The following BCAS3 variants were observed in gnomAD, a reference collection of about 807,000 sequenced individuals.
BCAS3 encodes the protein BCAS4/BCAS3 fusion.
In BCAS3, 53 loss-of-function variants were observed where a neutral mutation model predicts 116.1. That is an observed-to-expected ratio of 0.46 (90% confidence interval 0.37 to 0.57). The LOEUF is 0.57. Among genes scored for constraint, BCAS3 ranks in the 20% least tolerant of loss-of-function variants. The probability of loss-of-function intolerance (pLI) is 0.00; values close to 1 mark genes in which losing one functional copy is unlikely to be tolerated. For synonymous variants in BCAS3, 391 were observed against 408.2 expected (o/e 0.96, Z 0.51); for missense variants, 917 against 1,165.4 (o/e 0.79, Z 3.10).
At chr17:61,175,678 C>T (rs2079091904) in intron 22 of BCAS3, among the ~76,000 whole-genome samples, 1 of 152,112 alleles carries the variant, frequency 6.6e-6, no homozygotes, top group South Asian at 2.1e-4. Flanking sequence ...ACATTCCCAC[C>T]AACAATACAC....
rs1178331114 is a variant in BCAS3 at position 61,074,986 on chromosome 17, A to G, written c.2096A>G (p.His699Arg). Reference sequence around the variant, plus strand: ...TCTTACGACAGTTTAGCTTCTGACCATAGTGGACAGGAAGATGAAGAATGG... The same window carrying G: ...TCTTACGACAGTTTAGCTTCTGACCGTAGTGGACAGGAAGATGAAGAATGG... ...HGSYDSLASD[H>R]SGQEDEEWLS... Residue 699 changes from histidine to arginine, a missense_variant, in exon 20 of 24, where the codon CAT becomes CGT. Around this residue, in one of 3 missense-constraint regions of BCAS3, gnomAD observed 807 missense variants for 1,026.0 expected, o/e 0.79. Coordinates refer to ENST00000407086, the MANE Select transcript of BCAS3 (RefSeq NM_017679.5). 5.6e-6 allele frequency: 9 copies of G among 1,613,570 alleles called. No individual in the cohort carries two copies. Among genetic ancestry groups the G allele is most frequent in the Non-Finnish European group, 6.8e-6 (8 of 1,179,606 alleles).
intron 4 of BCAS3, among the ~76,000 whole-genome samples, chr17:60,701,060 A>G (rs991359686): frequency 4.0e-5 from 6 of 151,834 alleles, no homozygotes; most frequent in Non-Finnish European, 5.9e-5. Flanking sequence ...CCTGGCTAAC[A>G]TGGCAAGACC....
At chr17:60,801,944 A>G (rs1195007074) in intron 6 of BCAS3, among the ~76,000 whole-genome samples, 2 of 152,030 alleles carry the variant, frequency 1.3e-5, no homozygotes, top group Admixed American at 6.6e-5. Context: ...TCTTGTGTGT[A>G]AAAATGCTCT....
intron 6 of BCAS3, among the ~76,000 whole-genome samples, chr17:60,800,488 T>A (rs1361900270): frequency 6.6e-6 from 1 of 152,194 alleles, no homozygotes; most frequent in Non-Finnish European, 1.5e-5. Context: ...GAGATTTGAG[T>A]CATTTGTCAG....
chr17:61,236,162 C>T (rs74681876), intron 22 of BCAS3, among the ~76,000 whole-genome samples: 40 of 152,284 alleles, frequency 2.6e-4, no homozygotes, highest in African/African-American at 9.1e-4. Context: ...AGCTATCATA[C>T]GTCAGAATCC....
At chr17:60,745,288 T>C (rs532779554) in intron 5 of BCAS3, among the ~76,000 whole-genome samples, 1 of 151,982 alleles carries the variant, frequency 6.6e-6, no homozygotes, top group Non-Finnish European at 1.5e-5. Context: ...TTAATAGAAA[T>C]AGCAGGTATA....
intron 6 of BCAS3, among the ~76,000 whole-genome samples, chr17:60,799,907 A>T (rs1598801161): frequency 1.3e-5 from 2 of 151,598 alleles, no homozygotes; most frequent in East Asian, 3.9e-4. Flanking sequence ...AGGTATATCC[A>T]AGTTGTTTAG....
chr17:60,706,644 A>G (rs2037177158), intron 4 of BCAS3, among the ~76,000 whole-genome samples: 1 of 151,874 alleles, frequency 6.6e-6, no homozygotes, highest in Admixed American at 6.6e-5. Context: ...GGACAACATG[A>G]CAAAACCCCA....
chr17:60,700,185 A>AAAAAAAAAAAAAAAAAAAAG (rs1319555739), intron 4 of BCAS3, among the ~76,000 whole-genome samples: 3 of 147,138 alleles, frequency 2.0e-5, no homozygotes, highest in African/African-American at 5.4e-5. Flanking sequence ...AAAAAAAAAA[A>AAAAAAAAAAAAAAAAAAAAG]GAAGCAGTTC....
chr17:60,776,118 G>A (rs1411478065), intron 6 of BCAS3, among the ~76,000 whole-genome samples: 1 of 152,134 alleles, frequency 6.6e-6, no homozygotes, highest in Non-Finnish European at 1.5e-5. Context: ...AATACATACA[G>A]TATTTTGCCC....
Position 61,343,144 on chromosome 17 carries a change from G to A in BCAS3, c.2426-25183G>A, listed in dbSNP as rs947180701. ...CTGGGCCACCGAGGAGGGTCAATTC[G>A]TGGAGGGGTGGCACCAAATGCCTCT... On this transcript the variant is annotated intron_variant, in intron 22 of 23. Transcript: ENST00000407086. This position sits in a 1 kb window ranked among gnomAD's most constrained non-coding sequence, Gnocchi z 5.5. 1.5e-4 allele frequency among the ~76,000 whole-genome samples: 23 copies of A among 152,212 alleles called. No homozygotes were observed. The highest frequency in any genetic ancestry group is 2.6e-4 in the Non-Finnish European group (18 of 68,038).
intron 8 of BCAS3, among the ~76,000 whole-genome samples, chr17:60,870,143 G>A (rs2054974217): frequency 6.6e-6 from 1 of 152,136 alleles, no homozygotes; most frequent in Non-Finnish European, 1.5e-5. Context: ...TCATTCTCCA[G>A]AAACCGTACG....
intron 22 of BCAS3, among the ~76,000 whole-genome samples, chr17:61,092,979 C>A (rs901931209): frequency 1.4e-5 from 2 of 142,272 alleles, no homozygotes; most frequent in Non-Finnish European, 3.0e-5. Context: ...GATCTCGGCT[C>A]ACTGCAACTT....
At chr17:60,703,838 C>T (rs570499344) in intron 4 of BCAS3, among the ~76,000 whole-genome samples, 5 of 150,098 alleles carry the variant, frequency 3.3e-5, no homozygotes, top group South Asian at 4.2e-4. Context: ...GGCGTGAACC[C>T]GAGAGGCGGA....
chr17:61,084,481 G>T lies in BCAS3; in HGVS notation c.2342G>T (p.Arg781Leu). Residue 781 changes from arginine (R) to leucine (L), a missense_variant, in exon 22 of 24, where the codon CGC (arginine) becomes CTC (leucine). Arg to Leu is a moderately radical substitution (Grantham distance 102). Transcript: ENST00000407086. This position sits in a 1 kb window ranked among gnomAD's most constrained non-coding sequence, Gnocchi z 5.5. ...TTGCATTGCAGGATCCAGCCAGTCCGCTCTGACCCCGTCAGCATGCCAGGG... is the reference window on the plus strand; with the variant it reads ...TTGCATTGCAGGATCCAGCCAGTCCTCTCTGACCCCGTCAGCATGCCAGGG... Reference protein sequence around the residue: ...DLNSLRIQPVRSDPVSMPGSS... With the variant: ...DLNSLRIQPVLSDPVSMPGSS... 1 of 1,613,602 alleles carries T rather than the reference G, an allele frequency of 6.2e-7. No individual in the cohort carries two copies. The highest frequency in any genetic ancestry group is 1.1e-5 in the South Asian group (1 of 91,014).
chr17:61,189,820 G>T lies in BCAS3; in HGVS notation c.2425+105256G>T, dbSNP rs576367536. On this transcript the variant is annotated intron_variant, in intron 22 of 23. Coordinates refer to ENST00000407086, the MANE Select transcript of BCAS3 (RefSeq NM_017679.5). The surrounding 1 kb of genome is among the most constrained non-coding windows in gnomAD (Gnocchi z 4.5). ...ATCCTTTTAGGAATTTGACCTTGAT[G>T]CACCTATGAGATGACAAAAGGCAGG... 2.0e-5 allele frequency among the ~76,000 whole-genome samples: 3 copies of T among 152,302 alleles called. No individual in the cohort carries two copies. In the East Asian group the frequency reaches 5.8e-4, roughly 29 times the overall value.
rs906327594 is a variant in BCAS3 at position 61,337,975 on chromosome 17, T to C, written c.2426-30352T>C. 6.6e-6 allele frequency among the ~76,000 whole-genome samples: 1 copy of C among 152,228 alleles called. No individual in the cohort carries two copies. Among genetic ancestry groups the C allele is most frequent in the African/African-American group, 2.4e-5 (1 of 41,452 alleles). On this transcript the variant is annotated intron_variant, in intron 22 of 23. Transcript: ENST00000407086. The surrounding 1 kb of genome is among the most constrained non-coding windows in gnomAD (Gnocchi z 4.8). Reference sequence around the variant, plus strand: ...GGGTATTGTTAGTCTGGGTTCTGACTTAGGAACTGCAGCGTCCCTTCTGTG... The same window carrying C: ...GGGTATTGTTAGTCTGGGTTCTGACCTAGGAACTGCAGCGTCCCTTCTGTG...
rs1183119516 is a variant in BCAS3 at position 61,366,352 on chromosome 17, G to A, written c.2426-1975G>A. Among the ~76,000 whole-genome samples the A allele has an allele frequency of 6.6e-6, 1 of 152,196 alleles. No homozygotes were observed. The highest frequency in any genetic ancestry group is 1.9e-4 in the East Asian group (1 of 5,202). ...TCACTCCTGTGAGACAGGGCAAAGGGTTATTCATTCTAGTTTAGAGATGGA... is the reference window on the plus strand; with the variant it reads ...TCACTCCTGTGAGACAGGGCAAAGGATTATTCATTCTAGTTTAGAGATGGA... On this transcript the variant is annotated intron_variant, in intron 22 of 23. Transcript: ENST00000407086. This position sits in a 1 kb window ranked among gnomAD's most constrained non-coding sequence, Gnocchi z 4.5.
chr17:60,720,666 A>G (rs1297605731), intron 5 of BCAS3, among the ~76,000 whole-genome samples: 3 of 152,240 alleles, frequency 2.0e-5, no homozygotes, highest in Non-Finnish European at 2.9e-5. Flanking sequence ...CAGTATAGCT[A>G]TTTACATAGC....
Sources: allele counts gnomAD v4.1 joint callset (sites outside exome capture counted in the v4.1 genomes callset), GRCh38; gene constraint gnomAD v4.1.1; regional missense constraint gnomAD v4.1.1; non-coding constraint Gnocchi (gnomAD v3.1); transcripts MANE v1.5; gene names NCBI Gene and HGNC (gene_info 2026-07-23, HGNC 2026-07-21).